The following MSR1 variants were observed in gnomAD, a reference collection of about 807,000 sequenced individuals.
MSR1 encodes macrophage scavenger receptor 1.
MSR1 carries 53 observed loss-of-function variants against 47.2 expected under a neutral mutation model. The ratio of observed to expected loss-of-function variants is 1.12; its 90% CI spans 0.90 to 1.41. The LOEUF (loss-of-function observed/expected upper bound fraction) is 1.41. Among genes scored for constraint, MSR1 ranks in the 40% most tolerant of loss-of-function variants. MSR1 has a pLI of 0.00. For missense variants in MSR1, 786 were observed against 546.9 expected (o/e 1.44, Z -4.36); for synonymous variants, 239 against 185.6 (o/e 1.29, Z -2.34).
At chr8:16,136,857 T>G (rs1800403185) in intron 8 of MSR1, among the ~76,000 whole-genome samples, 1 of 152,018 alleles carries the variant, frequency 6.6e-6, no homozygotes, top group Non-Finnish European at 1.5e-5. Flanking sequence ...CACCTTGGCC[T>G]CCCAAAGCGC....
chr8:16,113,215 T>A (rs1461214663), intron 9 of MSR1, among the ~76,000 whole-genome samples: 5 of 152,206 alleles, frequency 3.3e-5, no homozygotes, highest in Admixed American at 1.3e-4. Context: ...CCCAAAGTGC[T>A]GCGATTACAG....
At chr8:16,134,538 C>G (rs573829167) in intron 8 of MSR1, among the ~76,000 whole-genome samples, 1 of 152,122 alleles carries the variant, frequency 6.6e-6, no homozygotes, top group African/African-American at 2.4e-5. Context: ...CCCCTTCTGT[C>G]TCTCTTCCTC....
chr8:16,114,876 GTTCAT>G (rs1799840418), intron 9 of MSR1, among the ~76,000 whole-genome samples: 1 of 152,070 alleles, frequency 6.6e-6, no homozygotes, highest in Non-Finnish European at 1.5e-5. Flanking sequence ...TAAAAAGAGG[GTTCAT>G]TTAAATTGTT....
chr8:16,179,605 C>A (rs545324094), intron 1 of MSR1, among the ~76,000 whole-genome samples: 4 of 152,144 alleles, frequency 2.6e-5, no homozygotes, highest in African/African-American at 7.2e-5. Context: ...ATTGGCCGGG[C>A]ACAGTGGCTC....
chr8:16,178,614 A>G (rs560230345), intron 1 of MSR1, among the ~76,000 whole-genome samples: 1 of 152,332 alleles, frequency 6.6e-6, no homozygotes, highest in East Asian at 1.9e-4. Flanking sequence ...CTTTGGGTAT[A>G]TACCCAGTAA....
At chr8:16,148,009 A>G (rs1000193931) in intron 7 of MSR1, among the ~76,000 whole-genome samples, 1 of 152,140 alleles carries the variant, frequency 6.6e-6, no homozygotes, top group Non-Finnish European at 1.5e-5. Context: ...CTGTTTTAAC[A>G]CATCCTCCTG....
At chr8:16,132,093 A>C (rs987237410) in intron 8 of MSR1, among the ~76,000 whole-genome samples, 2 of 151,742 alleles carry the variant, frequency 1.3e-5, no homozygotes, top group African/African-American at 4.8e-5. Flanking sequence ...TGGCCATTTT[A>C]ATGATACCGA....
At chr8:16,171,182 C>G (rs1801475487) in intron 3 of MSR1, among the ~76,000 whole-genome samples, 1 of 144,242 alleles carries the variant, frequency 6.9e-6, no homozygotes, top group Admixed American at 7.2e-5. Context: ...CGAGATTGTG[C>G]CACTGCACTG....
At chr8:16,126,683 G>T (rs1478250164) in intron 8 of MSR1, among the ~76,000 whole-genome samples, 3 of 152,128 alleles carry the variant, frequency 2.0e-5, no homozygotes, top group African/African-American at 7.2e-5. Context: ...TACTCCTAAA[G>T]CCAGGGAGAC....
rs532260373 is a variant in MSR1 at position 16,154,958 on chromosome 8, A to C, written c.898+106T>G. 7.2e-5 allele frequency: 67 copies of C among 927,178 alleles called. 2 individuals carry two copies. The South Asian group carries it at 8.8e-4, about 12-fold the overall frequency. The allele number at this position is 927,178 out of a possible 1,614,324, so 57.4% of individuals were successfully genotyped here. A position where few individuals can be genotyped will look rare whatever the true frequency, so the allele number is the denominator to read the frequency against. On this transcript the variant is annotated intron_variant, in intron 6 of 9. Coordinates refer to ENST00000262101, the MANE Select transcript of MSR1 (RefSeq NM_138715.3). Reference sequence around the variant, plus strand: ...CATACACACACACACACACATACACATCCTCTGCAGGATATAAATAAAATA... The same window carrying C: ...CATACACACACACACACACATACACCTCCTCTGCAGGATATAAATAAAATA...
chr8:16,149,571 C>T (rs983027127), intron 7 of MSR1, among the ~76,000 whole-genome samples: 5 of 152,034 alleles, frequency 3.3e-5, no homozygotes, highest in Admixed American at 6.6e-5. Flanking sequence ...AATGAGGAGA[C>T]AGTAAGCCTA....
intron 9 of MSR1, among the ~76,000 whole-genome samples, chr8:16,111,879 A>G (rs1196247449): frequency 6.6e-6 from 1 of 152,062 alleles, no homozygotes; most frequent in Non-Finnish European, 1.5e-5. Context: ...CAGGATTCTC[A>G]CCCTGTATCC....
intron 1 of MSR1, among the ~76,000 whole-genome samples, chr8:16,180,348 T>C (rs962314514): frequency 3.3e-5 from 5 of 152,204 alleles, no homozygotes; most frequent in Admixed American, 1.3e-4. Context: ...AAAGGTTTGA[T>C]AAAAAGAAAC....
chr8:16,143,288 GAAC>G (rs1170799115), intron 8 of MSR1, among the ~76,000 whole-genome samples: 1 of 152,006 alleles, frequency 6.6e-6, no homozygotes, highest in East Asian at 1.9e-4. Flanking sequence ...CTTGAAAATT[GAAC>G]AATTTTCTTT....
chr8:16,180,449 G>T (rs1801795523), intron 1 of MSR1, among the ~76,000 whole-genome samples: 1 of 152,126 alleles, frequency 6.6e-6, no homozygotes, highest in Non-Finnish European at 1.5e-5. Context: ...GATGCAATTG[G>T]TCTGAGGACC....
intron 8 of MSR1, among the ~76,000 whole-genome samples, chr8:16,130,826 G>T (rs1431153602): frequency 2.0e-5 from 3 of 151,686 alleles, no homozygotes; most frequent in African/African-American, 7.3e-5. Context: ...CTTTTGTATG[G>T]CTGCATGGTA....
intron 8 of MSR1, chr8:16,140,715 C>G (rs1481284569): frequency 7.3e-7 from 1 of 1,370,544 alleles, no homozygotes; most frequent in African/African-American, 1.5e-5. Context: ...GTTGGAGCAG[C>G]CCTCCAGTCC....
At chr8:16,188,523 T>C (rs1251728935) in intron 1 of MSR1, among the ~76,000 whole-genome samples, 2 of 152,206 alleles carry the variant, frequency 1.3e-5, no homozygotes, top group Non-Finnish European at 2.9e-5. Context: ...CTTTAGGTTC[T>C]GGGATACACG....
intron 5 of MSR1, among the ~76,000 whole-genome samples, chr8:16,158,275 C>T (rs1011029219): frequency 6.6e-6 from 1 of 151,940 alleles, no homozygotes; most frequent in African/African-American, 2.4e-5. Flanking sequence ...TTATACAACA[C>T]ATGCACAAAA....
Sources: gnomAD v4.1 joint callset for allele counts (sites outside exome capture counted in the v4.1 genomes callset) on GRCh38, gnomAD v4.1.1 for gene constraint, MANE v1.5 for transcripts, NCBI Gene and HGNC (gene_info 2026-07-23, HGNC 2026-07-21) for gene names.